LRRFIP1: variants seen among roughly 807,000 people sequenced by gnomAD.
LRRFIP1 encodes leucine-rich repeat flightless-interacting protein 1.
LRRFIP1 carries 62 observed loss-of-function variants against 104.4 expected under a neutral mutation model. That is an observed-to-expected ratio of 0.59 (90% CI 0.48 to 0.73). LRRFIP1 has a LOEUF of 0.73. Ranked by LOEUF, LRRFIP1 falls within the 30% of genes least tolerant of loss-of-function variation. LRRFIP1 has a pLI of 0.00. For missense variants in LRRFIP1, 796 were observed against 824.5 expected (o/e 0.97, Z 0.42); for synonymous variants, 300 against 299.0 (o/e 1.00, Z -0.03).
At chr2:237,642,532 T>TCAGGTTC (rs1041976340) in intron 1 of LRRFIP1, among the ~76,000 whole-genome samples, 2 of 150,864 alleles carry the variant, frequency 1.3e-5, no homozygotes, top group Non-Finnish European at 2.9e-5. Context: ...GCTAAGGGTT[T>TCAGGTTC]CAGGTTCCAG....
chr2:237,710,574 A>C (rs1175264989), intron 2 of LRRFIP1, among the ~76,000 whole-genome samples: 1 of 152,222 alleles, frequency 6.6e-6, no homozygotes, highest in African/African-American at 2.4e-5. Flanking sequence ...GGTGTTAGCC[A>C]TCACACCGGC....
intron 1 of LRRFIP1, among the ~76,000 whole-genome samples, chr2:237,674,019 G>A (rs2090763312): frequency 6.6e-6 from 1 of 152,168 alleles, no homozygotes; most frequent in African/African-American, 2.4e-5. Flanking sequence ...CATGAGTCTG[G>A]GCACAGGGAC....
intron 7 of LRRFIP1, 140 bp downstream of exon 7, chr2:237,723,726 T>C: frequency 1.9e-6 from 2 of 1,036,366 alleles, no homozygotes; most frequent in Non-Finnish European, 3.0e-6. Context: ...AGGGCAGGCT[T>C]ACCCTGCAGA....
Position 237,691,096 on chromosome 2 carries a change from T to C in LRRFIP1, c.97-17448T>C, listed in dbSNP as rs2092725056. On this transcript the variant is annotated intron_variant, in intron 1 of 23. Coordinates refer to ENST00000308482, the MANE Select transcript of LRRFIP1 (RefSeq NM_001137550.2). The surrounding 1 kb of genome is among the most constrained non-coding windows in gnomAD (Gnocchi z 5.4). ...AAGGTGAGTGCTCACAGGCGCGAGCTCACGTTACCAAGTTGGGTCAGCGTG... is the reference window on the plus strand; with the variant it reads ...AAGGTGAGTGCTCACAGGCGCGAGCCCACGTTACCAAGTTGGGTCAGCGTG... Among the ~76,000 whole-genome samples, 1 of 151,488 alleles carries C rather than the reference T, an allele frequency of 6.6e-6. No individual in the cohort carries two copies. Among genetic ancestry groups the C allele is most frequent in the Non-Finnish European group, 1.5e-5 (1 of 68,014 alleles).
rs2060491973 is a variant in LRRFIP1, at chr2:237,770,093, A to G, written c.1509+101A>G. 5.4e-6 allele frequency: 5 copies of G among 924,628 alleles called. No individual in the cohort carries two copies. The East Asian group carries it at 1.1e-4, about 19-fold the overall frequency. The allele number at this position is 924,628 out of a possible 1,614,324, so 57.3% of individuals were successfully genotyped here. A position where few individuals can be genotyped will look rare whatever the true frequency, so the allele number is the denominator to read the frequency against. ...TACTCAGAAAACCCCTAAGTTAATCATGTCTGAAAGTCTTTATCAAGCCAA... is the reference window on the plus strand; with the variant it reads ...TACTCAGAAAACCCCTAAGTTAATCGTGTCTGAAAGTCTTTATCAAGCCAA... On this transcript the variant is annotated intron_variant, in intron 20 of 23. Coordinates refer to ENST00000308482, the MANE Select transcript of LRRFIP1 (RefSeq NM_001137550.2).
chr2:237,763,380 A>G (rs1445168503), intron 19 of LRRFIP1: 1 of 1,614,190 alleles, frequency 6.2e-7, no homozygotes, highest in Non-Finnish European at 8.5e-7. Context: ...GAAAAGAGTG[A>G]CCAACAGGGA....
chr2:237,724,803 T>C (rs775654409), intron 7 of LRRFIP1, among the ~76,000 whole-genome samples: 2 of 152,206 alleles, frequency 1.3e-5, no homozygotes, highest in Admixed American at 1.3e-4. Context: ...GAACACATTT[T>C]GGATTTTTTT....
intron 1 of LRRFIP1, among the ~76,000 whole-genome samples, chr2:237,660,838 T>C (rs943957304): frequency 2.0e-5 from 3 of 151,876 alleles, no homozygotes; most frequent in African/African-American, 7.2e-5. Flanking sequence ...CGCACGGTGC[T>C]ACATGTCTGT....
intron 11 of LRRFIP1, among the ~76,000 whole-genome samples, chr2:237,745,807 G>A (rs560508779): frequency 6.0e-4 from 91 of 152,222 alleles, no homozygotes; most frequent in African/African-American, 2.1e-3. Context: ...GTTTTACACC[G>A]TGGAGCAAAC....
intron 11 of LRRFIP1, among the ~76,000 whole-genome samples, chr2:237,740,101 C>T (rs1399205653): frequency 6.6e-6 from 1 of 152,078 alleles, no homozygotes; most frequent in African/African-American, 2.4e-5. Context: ...TTCGTCTCCA[C>T]TCATATCAAA....
At chr2:237,739,368 A>T in intron 11 of LRRFIP1, 59 bp downstream of exon 11, 1 of 1,392,232 alleles carries the variant, frequency 7.2e-7, no homozygotes, top group South Asian at 1.2e-5. Context: ...CCCTTCCCTT[A>T]TCCTCCTCTT....
intron 19 of LRRFIP1, among the ~76,000 whole-genome samples, chr2:237,761,441 C>T (rs987416293): frequency 2.6e-5 from 4 of 152,152 alleles, no homozygotes; most frequent in African/African-American, 9.7e-5. Flanking sequence ...ATGAGCTACC[C>T]GAACAGCTAG....
chr2:237,647,109 A>G (rs1575119025), intron 1 of LRRFIP1, among the ~76,000 whole-genome samples: 1 of 152,022 alleles, frequency 6.6e-6, no homozygotes, highest in South Asian at 2.1e-4. Flanking sequence ...GACGTTTTTC[A>G]CTTTGAATTC....
intron 1 of LRRFIP1, among the ~76,000 whole-genome samples, chr2:237,640,418 C>A (rs1371298228): frequency 1.3e-5 from 2 of 152,018 alleles, no homozygotes; most frequent in Admixed American, 6.6e-5. Context: ...TCAGCGCACA[C>A]CTCTTGTCTG....
rs1375039313 is a variant in LRRFIP1, at chr2:237,760,064, A to C, written c.1318A>C (p.Lys440Gln). The C allele has an allele frequency of 1.9e-6, 3 of 1,613,406 alleles. No individual in the cohort carries two copies. In the South Asian group the frequency reaches 3.3e-5, roughly 18 times the overall value. ...EVVMLKEELKKHGIILNSEIA... is the reference protein window; with the variant it reads ...EVVMLKEELKQHGIILNSEIA... ...ACGATGAGCCTATTTTTGTTCCCAG[A>C]AACATGGAATAATCCTAAATTCAGA... The change falls in exon 19 of 24, where the codon AAA (lysine) becomes CAA (glutamine). Residue 440 changes from lysine to glutamine, a missense_variant and splice_region_variant. Lys to Gln is a moderately conservative substitution (Grantham distance 53). Transcript: ENST00000308482.
chr2:237,754,464 A>G (rs1046408660), intron 15 of LRRFIP1, among the ~76,000 whole-genome samples: 1 of 152,216 alleles, frequency 6.6e-6, no homozygotes, highest in African/African-American at 2.4e-5. Context: ...CTGGGCTTGG[A>G]TGTTCTTTAG....
Position 237,779,454 on chromosome 2 carries a change from C to T in LRRFIP1, c.1845C>T (p.Leu615=), listed in dbSNP as rs780562437. 32 of 1,613,728 alleles carry T rather than the reference C, an allele frequency of 2.0e-5. No homozygotes were observed. In the East Asian group the frequency reaches 4.2e-4, roughly 21 times the overall value. The part of the protein sequence containing the change: ...LRSALDKTEE[L]EVSNGHLVKR... ...CTGCATTGGATAAAACAGAAGAGCTCGAGGTGAGCAACGGCCACTTAGTGA... is the reference window on the plus strand; with the variant it reads ...CTGCATTGGATAAAACAGAAGAGCTTGAGGTGAGCAACGGCCACTTAGTGA... The change falls in exon 24 of 24, where the codon CTC becomes CTT. Residue 615 remains leucine, a synonymous_variant. Transcript: ENST00000308482.
At chr2:237,732,719 G>A (rs986280821) in intron 8 of LRRFIP1, among the ~76,000 whole-genome samples, 17 of 152,202 alleles carry the variant, frequency 1.1e-4, no homozygotes, top group Non-Finnish European at 1.5e-5. Flanking sequence ...TCCTTTTCCA[G>A]CAATTGTTCC....
intron 1 of LRRFIP1, among the ~76,000 whole-genome samples, chr2:237,637,119 G>C (rs1478670920): frequency 6.6e-6 from 1 of 152,184 alleles, no homozygotes; most frequent in Non-Finnish European, 1.5e-5. Flanking sequence ...TGTCAAATTA[G>C]CTGAGCAAAT....
Sources: gnomAD v4.1 joint callset for allele counts (sites outside exome capture counted in the v4.1 genomes callset) on GRCh38, gnomAD v4.1.1 for gene constraint, Gnocchi (gnomAD v3.1) non-coding constraint, MANE v1.5 for transcripts, NCBI Gene and HGNC (gene_info 2026-07-23, HGNC 2026-07-21) for gene names.